TRIM71: variants seen among roughly 807,000 people sequenced by gnomAD.
The protein encoded by TRIM71 is tripartite motif containing 71, also known as E3 ubiquitin-protein ligase TRIM71.
TRIM71 carries 9 observed loss-of-function variants against 61.2 expected under a neutral mutation model. The ratio of observed to expected loss-of-function variants is 0.15; its 90% confidence interval spans 0.09 to 0.26. The LOEUF is 0.26. Among genes scored for constraint, TRIM71 ranks in the 10% least tolerant of loss-of-function variants. TRIM71 has a pLI of 1.00. For missense variants in TRIM71, 998 were observed against 1,238.7 expected, an observed-to-expected ratio of 0.81 and a Z score of 2.92; for synonymous variants, 645 against 553.2, an observed-to-expected ratio of 1.17 and a Z score of -2.33.
In TRIM71 at chr3:32,891,992, CTT is replaced by C. The variant is rs1392251384; in HGVS notation, c.*183_*184del. ...CAACATTGCTTAAGTCCTACCTCAT[CTT>C]TATTTTTTTACAGATGAATGTACTT... On this transcript the variant is annotated 3_prime_UTR_variant, in exon 4 of 4. Coordinates refer to ENST00000383763, the MANE Select transcript of TRIM71 (RefSeq NM_001039111.3). This position sits in a 1 kb window ranked among gnomAD's most constrained non-coding sequence, Gnocchi z 8.2. 1.2e-5 allele frequency: 10 copies of C among 857,918 alleles called. No individual in the cohort carries two copies. Among genetic ancestry groups the C allele is most frequent in the African/African-American group, 1.8e-5 (1 of 56,382 alleles). 53.1% of individuals were successfully genotyped at this position (857,918 alleles called of 1,614,324 possible).
At position 32,832,842 on chromosome 3, in the gene TRIM71, C is replaced by G. The variant is rs868508894; in HGVS notation, c.852+13910C>G. On this transcript the variant is annotated intron_variant, in intron 1 of 3. Coordinates refer to ENST00000383763, the MANE Select transcript of TRIM71 (RefSeq NM_001039111.3). ...AACATTGAAGAAATAATTGGTGTATCAGGGGCCAGAGCCACATTAATTAAT... is the reference window on the plus strand; with the variant it reads ...AACATTGAAGAAATAATTGGTGTATGAGGGGCCAGAGCCACATTAATTAAT... 1.1e-4 allele frequency among the ~76,000 whole-genome samples: 17 copies of G among 152,094 alleles called. 1 individual carries two copies. The highest frequency in any genetic ancestry group is 1.0e-3 in the South Asian group (5 of 4,808).
At chr3:32,849,715 GCCT>G (rs1180301739) in intron 1 of TRIM71, among the ~76,000 whole-genome samples, 1 of 152,206 alleles carries the variant, frequency 6.6e-6, no homozygotes, top group African/African-American at 2.4e-5. Flanking sequence ...AGGTAAACAA[GCCT>G]CCTTCCCCTT....
At position 32,890,221 on chromosome 3, in the gene TRIM71, AAGAC is replaced by A; in HGVS notation, c.1156-135_1156-132del. 2 of 1,220,132 alleles carry A rather than the reference AAGAC, an allele frequency of 1.6e-6. No homozygotes were observed. The highest frequency in any genetic ancestry group is 1.1e-6 in the Non-Finnish European group (1 of 880,212). The allele number at this position is 1,220,132 out of a possible 1,614,324, so 75.6% of individuals were successfully genotyped here. ...ATTTTGATTTTGCTGCTTTTGAAGA[AAGAC>A]AGATGTCTTTTGTAGACCATCCCAC... is the stretch of plus-strand genomic sequence containing the variant. On this transcript the variant is annotated intron_variant, in intron 3 of 3. Coordinates refer to ENST00000383763, the MANE Select transcript of TRIM71 (RefSeq NM_001039111.3). This position sits in a 1 kb window ranked among gnomAD's most constrained non-coding sequence, Gnocchi z 6.2.
At chr3:32,845,160 A>G (rs1323934149) in intron 1 of TRIM71, among the ~76,000 whole-genome samples, 1 of 152,130 alleles carries the variant, frequency 6.6e-6, no homozygotes, top group Non-Finnish European at 1.5e-5. Context: ...TCTGGATTGT[A>G]TAAAAACAGC....
intron 1 of TRIM71, among the ~76,000 whole-genome samples, chr3:32,852,979 C>G (rs1171488661): frequency 6.6e-6 from 1 of 152,098 alleles, no homozygotes; most frequent in Non-Finnish European, 1.5e-5. Flanking sequence ...CAGGGACCCC[C>G]TTACTATAGA....
intron 1 of TRIM71, among the ~76,000 whole-genome samples, chr3:32,821,720 G>T (rs1432443486): frequency 6.6e-6 from 1 of 151,998 alleles, no homozygotes; most frequent in Non-Finnish European, 1.5e-5. Flanking sequence ...AATCCAAGGC[G>T]AGGAATCCGA....
At chr3:32,873,060 T>TTC (rs1696813386) in intron 1 of TRIM71, among the ~76,000 whole-genome samples, 2 of 96,156 alleles carry the variant, frequency 2.1e-5, no homozygotes, top group African/African-American at 7.1e-5. Flanking sequence ...CCCTTCTCTC[T>TTC]CTTCCTCCCT....
At chr3:32,838,212 T>C (rs1052622394) in intron 1 of TRIM71, among the ~76,000 whole-genome samples, 1 of 152,138 alleles carries the variant, frequency 6.6e-6, no homozygotes, top group Non-Finnish European at 1.5e-5. Context: ...TTAGGTACTA[T>C]ATGCTTATTA....
intron 1 of TRIM71, among the ~76,000 whole-genome samples, chr3:32,824,203 G>T (rs1248156736): frequency 6.6e-6 from 1 of 152,062 alleles, no homozygotes; most frequent in African/African-American, 2.4e-5. Flanking sequence ...CTGAGATGGA[G>T]TTTCACTCTT....
At chr3:32,826,199 C>G (rs13065306) in intron 1 of TRIM71, among the ~76,000 whole-genome samples, 1 of 152,166 alleles carries the variant, frequency 6.6e-6, no homozygotes, top group Non-Finnish European at 1.5e-5. Context: ...TGGCTTACGC[C>G]TGCAATCCCA....
rs140019705 is a variant in TRIM71, at chr3:32,841,722, G to A, written c.852+22790G>A. ...GTGGTGGCTTCTCTACTGATGAAAC[G>A]TTCTAAAGTTTATTGTTTCCTTTTT... On this transcript the variant is annotated intron_variant, in intron 1 of 3. Coordinates refer to ENST00000383763, the MANE Select transcript of TRIM71 (RefSeq NM_001039111.3). Among the ~76,000 whole-genome samples the A allele has an allele frequency of 6.6e-3, 1,007 of 152,254 alleles. 8 individuals carry two copies. The highest frequency in any genetic ancestry group is 0.034 in the Middle Eastern group (10 of 294).
intron 1 of TRIM71, among the ~76,000 whole-genome samples, chr3:32,845,740 GTC>G (rs754189436): frequency 4.3e-4 from 65 of 150,850 alleles, no homozygotes; most frequent in South Asian, 8.3e-4. Context: ...TTGAAACAGA[GTC>G]TCTCTGTCAC....
intron 1 of TRIM71, among the ~76,000 whole-genome samples, chr3:32,865,484 A>G (rs1190484686): frequency 6.6e-6 from 1 of 152,138 alleles, no homozygotes; most frequent in Non-Finnish European, 1.5e-5. Context: ...CAAGAGACAT[A>G]TTCATGAAAC....
At chr3:32,839,975 T>C (rs9843032) in intron 1 of TRIM71, among the ~76,000 whole-genome samples, 147,073 of 152,280 alleles carry the variant, frequency 0.97, 71,230 homozygotes, top group East Asian at 1. Context: ...AATGTTCAAC[T>C]AATGTTTACA....
In TRIM71 at chr3:32,819,225, C is replaced by T. The variant is rs78943399; in HGVS notation, c.852+293C>T. Among the ~76,000 whole-genome samples, 1,035 of 147,946 alleles carry T rather than the reference C, an allele frequency of 7.0e-3. 4 individuals carry two copies. The highest frequency in any genetic ancestry group is 0.012 in the Non-Finnish European group (798 of 67,172). On this transcript the variant is annotated intron_variant, in intron 1 of 3. Transcript: ENST00000383763. The stretch of plus-strand genomic sequence containing the variant: ...AACGCGGCAATCGTCTTGAGTTAGG[C>T]GTGAGTTGGGAGGAGATAGGTGTGT...
intron 1 of TRIM71, among the ~76,000 whole-genome samples, chr3:32,863,474 T>G (rs191655695): frequency 6.6e-6 from 1 of 152,148 alleles, no homozygotes; most frequent in Non-Finnish European, 1.5e-5. Flanking sequence ...CATCAAGATA[T>G]AGATTTTCTC....
intron 1 of TRIM71, among the ~76,000 whole-genome samples, chr3:32,852,446 C>G (rs537318915): frequency 1.3e-5 from 2 of 152,244 alleles, no homozygotes; most frequent in South Asian, 4.2e-4. Flanking sequence ...GTGGGGCTCT[C>G]AGATGTGAGA....
intron 1 of TRIM71, among the ~76,000 whole-genome samples, chr3:32,856,138 C>G (rs1000268794): frequency 5.9e-5 from 9 of 152,208 alleles, no homozygotes; most frequent in African/African-American, 2.2e-4. Context: ...CTGCCTCAGC[C>G]TCCGGAGTAG....
At chr3:32,854,559 C>G (rs1458486717) in intron 1 of TRIM71, among the ~76,000 whole-genome samples, 2 of 152,098 alleles carry the variant, frequency 1.3e-5, no homozygotes, top group Admixed American at 1.3e-4. Flanking sequence ...CTGGAAGGAA[C>G]CTTAGTTTGA....
Sources: allele counts gnomAD v4.1 joint callset (sites outside exome capture counted in the v4.1 genomes callset), GRCh38; gene constraint gnomAD v4.1.1; non-coding constraint Gnocchi (gnomAD v3.1); transcripts MANE v1.5; gene names NCBI Gene and HGNC (gene_info 2026-07-23, HGNC 2026-07-21).